The following RBFOX1 variants were observed in gnomAD, a reference collection of about 807,000 sequenced individuals.
RBFOX1 encodes RNA binding protein fox-1 homolog 1.
RBFOX1 carries 8 observed loss-of-function variants against 57.7 expected under a neutral mutation model. That is an observed-to-expected ratio of 0.14 (90% CI 0.08 to 0.25). The LOEUF (loss-of-function observed/expected upper bound fraction) is 0.25, where lower values mean the gene tolerates loss of function less well. Among genes scored for constraint, RBFOX1 ranks in the 10% least tolerant of loss-of-function variants. RBFOX1 has a pLI of 1.00. For synonymous variants in RBFOX1, 326 were observed against 222.4 expected (o/e 1.47, Z -4.15); for missense variants, 611 against 548.5 (o/e 1.11, Z -1.14).
chr16:7,471,096 T>TA (rs2061475918), intron 4 of RBFOX1, among the ~76,000 whole-genome samples: 1 of 152,172 alleles, frequency 6.6e-6, no homozygotes, highest in African/African-American at 2.4e-5. Context: ...AACCAGTCTC[T>TA]CTATAAAGAT....
intron 1 of RBFOX1, among the ~76,000 whole-genome samples, chr16:6,065,953 A>G (rs2095755652): frequency 6.6e-6 from 1 of 152,160 alleles, no homozygotes; most frequent in Non-Finnish European, 1.5e-5. Context: ...ATAATTTGGA[A>G]AGTGCGCTAA....
intron 1 of RBFOX1, among the ~76,000 whole-genome samples, chr16:5,425,993 G>T (rs1157302064): frequency 6.6e-6 from 1 of 152,208 alleles, no homozygotes; most frequent in Non-Finnish European, 1.5e-5. Flanking sequence ...GCAGGGACAG[G>T]AAGTCTGGAG....
At chr16:7,310,516 T>C (rs1165144311) in intron 4 of RBFOX1, among the ~76,000 whole-genome samples, 3 of 152,162 alleles carry the variant, frequency 2.0e-5, no homozygotes, top group Non-Finnish European at 4.4e-5. Context: ...GTATGTTTTA[T>C]CAAAACTTCA....
rs1568301276 is a variant in RBFOX1 at position 6,707,930 on chromosome 16, G to A, written c.-16+53280G>A. On this transcript the variant is annotated intron_variant, in intron 3 of 15. Transcript: ENST00000550418. The stretch of plus-strand genomic sequence containing the variant: ...CTTAGGGGAAGATTCAGGGAATGGA[G>A]TTGAGGAAATAGTGCAGAGGTAGAA... 2.0e-5 allele frequency among the ~76,000 whole-genome samples: 3 copies of A among 152,194 alleles called. 1 individual carries two copies. Among genetic ancestry groups the A allele is most frequent in the Admixed American group, 1.3e-4 (2 of 15,282 alleles).
chr16:7,214,162 C>G (rs970517969), intron 4 of RBFOX1, among the ~76,000 whole-genome samples: 2 of 152,054 alleles, frequency 1.3e-5, no homozygotes, highest in African/African-American at 2.4e-5. Flanking sequence ...GAATTATTAT[C>G]TTTCTAATGA....
intron 4 of RBFOX1, among the ~76,000 whole-genome samples, chr16:7,116,464 A>G (rs1468433752): frequency 6.6e-6 from 1 of 152,060 alleles, no homozygotes; most frequent in South Asian, 2.1e-4. Context: ...CTCCTCTCAA[A>G]CCAGTTTATT....
chr16:7,350,016 G>T (rs1170168560), intron 4 of RBFOX1, among the ~76,000 whole-genome samples: 3 of 152,116 alleles, frequency 2.0e-5, no homozygotes, highest in African/African-American at 4.8e-5. Flanking sequence ...GCATGATGGC[G>T]CATGCCTGTA....
chr16:6,356,275 C>A (rs1430409531), intron 2 of RBFOX1, among the ~76,000 whole-genome samples: 2 of 152,140 alleles, frequency 1.3e-5, no homozygotes, highest in African/African-American at 2.4e-5. Context: ...GGGGCAAAAA[C>A]CTGCCAAAAA....
intron 4 of RBFOX1, among the ~76,000 whole-genome samples, chr16:7,119,300 G>A (rs1185209384): frequency 1.3e-5 from 2 of 152,008 alleles, no homozygotes; most frequent in African/African-American, 4.8e-5. Context: ...CTATCCTCAG[G>A]TTTCCCTATG....
chr16:5,355,380 G>C (rs1203881993), intron 1 of RBFOX1, among the ~76,000 whole-genome samples: 1 of 152,142 alleles, frequency 6.6e-6, no homozygotes, highest in Non-Finnish European at 1.5e-5. Context: ...ACACGTGTAT[G>C]TGCCGTCCCT....
At chr16:6,361,358 G>A (rs1307950714) in intron 2 of RBFOX1, among the ~76,000 whole-genome samples, 2 of 152,070 alleles carry the variant, frequency 1.3e-5, no homozygotes, top group Admixed American at 6.6e-5. Context: ...GGCCAGGCGC[G>A]GTGGCTCACA....
intron 3 of RBFOX1, among the ~76,000 whole-genome samples, chr16:6,858,846 A>G (rs79414593): frequency 3.9e-5 from 6 of 151,966 alleles, no homozygotes; most frequent in South Asian, 2.1e-4. Context: ...TCAATTCAAC[A>G]TGCAAAACTC....
intron 4 of RBFOX1, among the ~76,000 whole-genome samples, chr16:7,493,306 CA>C (rs1308852002): frequency 1.3e-5 from 2 of 152,184 alleles, no homozygotes; most frequent in Non-Finnish European, 2.9e-5. Context: ...CTGTGTTAGA[CA>C]GTACAGATAT....
intron 2 of RBFOX1, among the ~76,000 whole-genome samples, chr16:6,412,613 A>G (rs2093494929): frequency 1.3e-5 from 2 of 152,248 alleles, no homozygotes; most frequent in African/African-American, 2.4e-5. Flanking sequence ...TTGAGGCAGC[A>G]TGCACCTGCA....
At chr16:6,230,384 G>A (rs1209414160) in intron 1 of RBFOX1, among the ~76,000 whole-genome samples, 2 of 152,036 alleles carry the variant, frequency 1.3e-5, no homozygotes, top group Admixed American at 6.6e-5. Flanking sequence ...AGAGAATTGG[G>A]GCTTTAACTA....
At chr16:5,844,146 C>G (rs1244216923) in intron 3 of RBFOX1, among the ~76,000 whole-genome samples, 3 of 152,124 alleles carry the variant, frequency 2.0e-5, no homozygotes, top group Admixed American at 6.6e-5. Flanking sequence ...TTTTGGAGTA[C>G]CAGGGACTTT....
At chr16:5,619,138 A>G (rs1055956907) in intron 3 of RBFOX1, among the ~76,000 whole-genome samples, 4 of 152,190 alleles carry the variant, frequency 2.6e-5, no homozygotes, top group African/African-American at 7.2e-5. Context: ...ATTTTACAAG[A>G]CGTGCAAAGG....
At chr16:7,471,749 C>T (rs2061589913) in intron 4 of RBFOX1, among the ~76,000 whole-genome samples, 1 of 152,138 alleles carries the variant, frequency 6.6e-6, no homozygotes, top group Non-Finnish European at 1.5e-5. Context: ...GTAGAAGAGA[C>T]AGGAAAGGTT....
At chr16:6,005,767 A>G (rs1455092892) in intron 4 of RBFOX1, among the ~76,000 whole-genome samples, 1 of 152,224 alleles carries the variant, frequency 6.6e-6, no homozygotes, top group Non-Finnish European at 1.5e-5. Flanking sequence ...GGAAAAGAGC[A>G]GCTGATTCAG....
Sources: allele counts gnomAD v4.1 joint callset (sites outside exome capture counted in the v4.1 genomes callset), GRCh38; gene constraint gnomAD v4.1.1; transcripts MANE v1.5; gene names NCBI Gene and HGNC (gene_info 2026-07-23, HGNC 2026-07-21).